Variants in KDM4C observed in about 807,000 individuals in gnomAD.
The protein encoded by KDM4C is lysine demethylase 4C.
A neutral mutation model predicts 129.3 loss-of-function variants in KDM4C; 81 were observed. The observed-to-expected ratio is 0.63, with a 90% CI of 0.52 to 0.75. The LOEUF (loss-of-function observed/expected upper bound fraction) is 0.75. KDM4C is among the 30% of genes least tolerant of loss of function. The pLI is 0.00. For missense variants in KDM4C, 1,457 were observed against 1,304.0 expected (o/e 1.12, Z -1.81); for synonymous variants, 573 against 456.1 (o/e 1.26, Z -3.26).
intron 3 of KDM4C, among the ~76,000 whole-genome samples, chr9:6,810,173 T>C (rs1830885031): frequency 6.6e-6 from 1 of 152,198 alleles, no homozygotes; most frequent in South Asian, 2.1e-4. Context: ...CAGCATGGTA[T>C]CGGTTTTCTA....
intron 1 of KDM4C, among the ~76,000 whole-genome samples, chr9:6,768,897 C>T (rs1418613278): frequency 2.0e-5 from 3 of 152,038 alleles, no homozygotes; most frequent in East Asian, 1.9e-4. Context: ...CTCAGCCTCC[C>T]GAGTAACTGG....
intron 1 of KDM4C, among the ~76,000 whole-genome samples, chr9:6,770,767 C>CTTTTTTTTTTTTTTTTTTTTTCTT: frequency 1.2e-5 from 1 of 81,764 alleles, no homozygotes. Context: ...GATTTTGATC[C>CTTTTTTTTTTTTTTTTTTTTTCTT]TTTTTTTTTT....
intron 19 of KDM4C, among the ~76,000 whole-genome samples, chr9:7,161,477 T>G (rs1843786445): frequency 6.6e-6 from 1 of 152,202 alleles, no homozygotes; most frequent in Non-Finnish European, 1.5e-5. Flanking sequence ...CTTTTATTTT[T>G]AAAAGAAACT....
intron 12 of KDM4C, among the ~76,000 whole-genome samples, chr9:7,003,552 T>C (rs1029670204): frequency 1.3e-5 from 2 of 152,174 alleles, no homozygotes; most frequent in African/African-American, 2.4e-5. Context: ...ATCAGTGTTA[T>C]TGAGAGGTGA....
intron 4 of KDM4C, among the ~76,000 whole-genome samples, chr9:6,848,984 T>C (rs1838353420): frequency 6.6e-6 from 1 of 152,200 alleles, no homozygotes; most frequent in South Asian, 2.1e-4. Flanking sequence ...GGAAACAATG[T>C]ATTACATGCT....
chr9:6,875,057 G>C (rs1843351216), intron 5 of KDM4C, among the ~76,000 whole-genome samples: 1 of 152,134 alleles, frequency 6.6e-6, no homozygotes, highest in Non-Finnish European at 1.5e-5. Context: ...TGACCCTAAA[G>C]TCAGGAAATG....
chr9:6,926,508 G>A (rs1385099204), intron 8 of KDM4C, among the ~76,000 whole-genome samples: 2 of 152,134 alleles, frequency 1.3e-5, no homozygotes. Flanking sequence ...TTGGCTTATA[G>A]CAGCAAGCAG....
chr9:6,877,255 C>T (rs1302259441), intron 5 of KDM4C, among the ~76,000 whole-genome samples: 1 of 152,202 alleles, frequency 6.6e-6, no homozygotes, highest in African/African-American at 2.4e-5. Context: ...GGCTGGAGTG[C>T]AGTGGCGCCA....
intron 19 of KDM4C, among the ~76,000 whole-genome samples, chr9:7,142,785 C>T (rs1841878678): frequency 6.6e-6 from 1 of 152,206 alleles, no homozygotes; most frequent in Admixed American, 6.5e-5. Flanking sequence ...GCACCTCCCA[C>T]ATCTGGAAAT....
intron 5 of KDM4C, among the ~76,000 whole-genome samples, chr9:6,851,753 T>G (rs1838884057): frequency 6.6e-6 from 1 of 152,178 alleles, no homozygotes; most frequent in Non-Finnish European, 1.5e-5. Context: ...TGGGAACAGG[T>G]TGATGTTGTC....
intron 8 of KDM4C, among the ~76,000 whole-genome samples, chr9:6,970,030 C>G (rs1451379572): frequency 6.6e-6 from 1 of 152,224 alleles, no homozygotes; most frequent in African/African-American, 2.4e-5. Flanking sequence ...GAACCAATCA[C>G]TGTTGCCATT....
intron 8 of KDM4C, among the ~76,000 whole-genome samples, chr9:6,958,717 C>G (rs1829532759): frequency 7.7e-6 from 1 of 129,200 alleles, no homozygotes. Flanking sequence ...CAGGGTCTCA[C>G]TCTGTTACCC....
chr9:6,834,755 C>T lies in KDM4C; in HGVS notation c.436-14752C>T, dbSNP rs1835551304. 3.3e-5 allele frequency: 36 copies of T among 1,089,218 alleles called. No homozygotes were observed. In the East Asian group the frequency reaches 8.0e-4, roughly 24 times the overall value. 67.5% of individuals were successfully genotyped at this position (1,089,218 alleles called of 1,614,324 possible). A position where few individuals can be genotyped will look rare whatever the true frequency, so the allele number is the denominator to read the frequency against. On this transcript the variant is annotated intron_variant, in intron 4 of 21. Coordinates refer to ENST00000381309, the MANE Select transcript of KDM4C (RefSeq NM_015061.6). Reference sequence around the variant, plus strand: ...GGAGCTGCATGTGGTTCCCGAGGAGCATCCCATGCTGCTGACCGAGGCCCC... The same window carrying T: ...GGAGCTGCATGTGGTTCCCGAGGAGTATCCCATGCTGCTGACCGAGGCCCC...
chr9:6,844,143 A>G (rs1837450138), intron 4 of KDM4C, among the ~76,000 whole-genome samples: 1 of 152,110 alleles, frequency 6.6e-6, no homozygotes, highest in Admixed American at 6.5e-5. Flanking sequence ...ACGTACTTTT[A>G]AAAAAGCTTT....
chr9:6,849,852 T>G (rs991619044), intron 5 of KDM4C, 152 bp downstream of exon 5: 3 of 634,288 alleles, frequency 4.7e-6, no homozygotes, highest in Non-Finnish European at 8.1e-6. Flanking sequence ...TTGTCTTCTA[T>G]TCTGTCTGGG....
chr9:6,922,264 C>T (rs984476603), intron 8 of KDM4C, among the ~76,000 whole-genome samples: 2 of 152,204 alleles, frequency 1.3e-5, no homozygotes, highest in Non-Finnish European at 2.9e-5. Flanking sequence ...TGTTATAACA[C>T]TGAACATTTC....
chr9:6,836,000 T>C (rs1399690808), intron 4 of KDM4C, among the ~76,000 whole-genome samples: 1 of 152,194 alleles, frequency 6.6e-6, no homozygotes, highest in Non-Finnish European at 1.5e-5. Context: ...CTTAATACTT[T>C]TTAAGTTTGT....
chr9:6,724,885 A>C (rs1182279303), intron 1 of KDM4C, among the ~76,000 whole-genome samples: 1 of 152,108 alleles, frequency 6.6e-6, no homozygotes, highest in Non-Finnish European at 1.5e-5. Flanking sequence ...TTAAAATGAC[A>C]TAAATTTATT....
chr9:7,006,657 C>A (rs1586861308), intron 12 of KDM4C, among the ~76,000 whole-genome samples: 1 of 151,992 alleles, frequency 6.6e-6, no homozygotes, highest in Non-Finnish European at 1.5e-5. Context: ...TTTCTTAATA[C>A]CCAGCTGGCA....
Sources: allele counts gnomAD v4.1 joint callset (sites outside exome capture counted in the v4.1 genomes callset), GRCh38; gene constraint gnomAD v4.1.1; transcripts MANE v1.5; gene names NCBI Gene and HGNC (gene_info 2026-07-23, HGNC 2026-07-21).